USH2A: variants seen among roughly 807,000 people sequenced by gnomAD.
USH2A encodes usherin.
A neutral mutation model predicts 538.9 loss-of-function variants in USH2A; 443 were observed. The observed-to-expected ratio is 0.82, with a 90% CI of 0.76 to 0.89. USH2A has a LOEUF of 0.89. Among genes scored for constraint, USH2A ranks in the 40% least tolerant of loss-of-function variants. USH2A has a pLI of 0.00. For synonymous variants in USH2A, 2,413 were observed against 2,273.5 expected (o/e 1.06, Z -1.75); for missense variants, 6,633 against 6,324.8 (o/e 1.05, Z -1.65).
chr1:215,767,050 C>A (rs1661153031), intron 55 of USH2A, among the ~76,000 whole-genome samples: 1 of 152,104 alleles, frequency 6.6e-6, no homozygotes, highest in Non-Finnish European at 1.5e-5. Context: ...TCTCTTGATT[C>A]CCTATACAAG....
At chr1:216,350,758 A>C (rs1571729329) in intron 4 of USH2A, among the ~76,000 whole-genome samples, 1 of 152,080 alleles carries the variant, frequency 6.6e-6, no homozygotes, top group Non-Finnish European at 1.5e-5. Context: ...TTCCTTGCTG[A>C]GGGTGAAAGC....
chr1:215,855,262 A>T (rs1329289255), intron 44 of USH2A, among the ~76,000 whole-genome samples: 1 of 152,166 alleles, frequency 6.6e-6, no homozygotes, highest in African/African-American at 2.4e-5. Context: ...GAGTCATCCA[A>T]AAACCCTCTA....
intron 21 of USH2A, among the ~76,000 whole-genome samples, chr1:216,155,402 A>G (rs1186285739): frequency 6.6e-6 from 1 of 152,206 alleles, no homozygotes; most frequent in African/African-American, 2.4e-5. Context: ...TATAGATAAC[A>G]TCACTATTGT....
chr1:216,323,026 C>T (rs1009037108), intron 8 of USH2A, among the ~76,000 whole-genome samples: 1 of 151,934 alleles, frequency 6.6e-6, no homozygotes, highest in African/African-American at 2.4e-5. Context: ...TGGAACTGTG[C>T]ACTATGAACT....
chr1:216,244,498 T>G (rs2035997984), intron 13 of USH2A, among the ~76,000 whole-genome samples: 1 of 152,040 alleles, frequency 6.6e-6, no homozygotes, highest in South Asian at 2.1e-4. Flanking sequence ...GCCATAGATT[T>G]GGGTGGGAGA....
chr1:216,394,276 G>T (rs1213679654), intron 3 of USH2A, among the ~76,000 whole-genome samples: 2 of 140,788 alleles, frequency 1.4e-5, no homozygotes, highest in Non-Finnish European at 3.0e-5. Context: ...CAACTTCTGA[G>T]AAACTTTAAA....
intron 21 of USH2A, among the ~76,000 whole-genome samples, chr1:216,164,190 C>T (rs1397651959): frequency 6.6e-6 from 1 of 151,976 alleles, no homozygotes; most frequent in Non-Finnish European, 1.5e-5. Context: ...GCATACGAAC[C>T]GAATGAGTGA....
In USH2A at chr1:216,286,625, G is replaced by A. The variant is rs114684868; in HGVS notation, c.1971+2655C>T. Among the ~76,000 whole-genome samples, 1,270 of 152,172 alleles carry A rather than the reference G, an allele frequency of 8.3e-3. 13 individuals carry two copies. Among genetic ancestry groups the A allele is most frequent in the African/African-American group, 0.029 (1,222 of 41,492 alleles). On this transcript the variant is annotated intron_variant, in intron 11 of 71. Coordinates refer to ENST00000307340, the MANE Select transcript of USH2A (RefSeq NM_206933.4). ...TGCAATCCTAGCTGTTCAGGAGGCC[G>A]AGGCAGGAGAATAGCTTGAACCCCA...
At chr1:215,972,593 G>A (rs1190793313) in intron 35 of USH2A, among the ~76,000 whole-genome samples, 2 of 152,044 alleles carry the variant, frequency 1.3e-5, no homozygotes, top group African/African-American at 4.8e-5. Flanking sequence ...TCAGATCTAG[G>A]ACAATACATT....
intron 32 of USH2A, among the ~76,000 whole-genome samples, chr1:216,035,188 T>C (rs1669220562): frequency 6.6e-6 from 1 of 152,158 alleles, no homozygotes; most frequent in Non-Finnish European, 1.5e-5. Context: ...TTGAATTGTG[T>C]TCTCCCCAAA....
chr1:215,878,299 T>A (rs544643522), intron 42 of USH2A, among the ~76,000 whole-genome samples: 1 of 152,170 alleles, frequency 6.6e-6, no homozygotes, highest in South Asian at 2.1e-4. Flanking sequence ...TTTGGGTGGT[T>A]GCAAAACCAT....
At chr1:216,176,520 G>T (rs550916701) in intron 20 of USH2A, among the ~76,000 whole-genome samples, 2 of 152,182 alleles carry the variant, frequency 1.3e-5, no homozygotes, top group Non-Finnish European at 2.9e-5. Context: ...GCACCCAAAT[G>T]GTTCATTTGC....
intron 64 of USH2A, among the ~76,000 whole-genome samples, chr1:215,652,751 T>C (rs919932957): frequency 3.3e-5 from 5 of 152,162 alleles, no homozygotes; most frequent in Non-Finnish European, 5.9e-5. Context: ...TATTACACAA[T>C]GAATGACAAG....
At chr1:215,667,295 A>T (rs562778780) in intron 64 of USH2A, among the ~76,000 whole-genome samples, 2 of 152,326 alleles carry the variant, frequency 1.3e-5, no homozygotes, top group South Asian at 2.1e-4. Context: ...GGAGCTAGTT[A>T]TCAAGCTGGT....
chr1:216,390,654 T>C (rs2039091034), intron 3 of USH2A, among the ~76,000 whole-genome samples: 1 of 152,198 alleles, frequency 6.6e-6, no homozygotes. Flanking sequence ...AGATAACTGA[T>C]GGACCTAAAT....
intron 21 of USH2A, among the ~76,000 whole-genome samples, chr1:216,099,251 T>C (rs546655851): frequency 6.6e-6 from 1 of 152,150 alleles, no homozygotes; most frequent in Non-Finnish European, 1.5e-5. Flanking sequence ...TCTCTTACTC[T>C]GGCCTGCTTG....
chr1:216,347,109 C>CT (rs2038191350), intron 4 of USH2A, among the ~76,000 whole-genome samples: 1 of 152,010 alleles, frequency 6.6e-6, no homozygotes, highest in Non-Finnish European at 1.5e-5. Flanking sequence ...GAAACTGCTT[C>CT]TTTGACTTTT....
intron 11 of USH2A, among the ~76,000 whole-genome samples, chr1:216,275,178 G>A (rs149182926): frequency 1.2e-4 from 18 of 151,342 alleles, no homozygotes; most frequent in African/African-American, 3.6e-4. Context: ...GGTCTATTTC[G>A]CTCAGAGGAT....
Position 215,895,076 on chromosome 1 carries a change from C to T in USH2A, c.7594+4999G>A, listed in dbSNP as rs541824497. On this transcript the variant is annotated intron_variant, in intron 40 of 71. Coordinates refer to ENST00000307340, the MANE Select transcript of USH2A (RefSeq NM_206933.4). ...TAACTATGGTTTTACTGTGTGTGCT[C>T]CTTGCCAGACAGAGGAAATCTCAAG... 6.6e-5 allele frequency among the ~76,000 whole-genome samples: 10 copies of T among 152,272 alleles called. No homozygotes were observed. In the South Asian group the frequency reaches 2.1e-3, roughly 32 times the overall value.
Sources: allele counts gnomAD v4.1 joint callset (sites outside exome capture counted in the v4.1 genomes callset), GRCh38; gene constraint gnomAD v4.1.1; transcripts MANE v1.5; gene names NCBI Gene and HGNC (gene_info 2026-07-23, HGNC 2026-07-21).